Variants in ZFHX3 observed in about 807,000 individuals in gnomAD.
ZFHX3 encodes the protein zinc finger homeobox protein 3.
Under a neutral mutation model 279.1 loss-of-function variants are expected in ZFHX3, and 42 were observed. The ratio of observed to expected loss-of-function variants is 0.15; its 90% confidence interval spans 0.12 to 0.19. The LOEUF (loss-of-function observed/expected upper bound fraction) is 0.19, where lower values mean the gene tolerates loss of function less well. ZFHX3 is among the 10% of genes least tolerant of loss of function. The pLI is 1.00. For synonymous variants in ZFHX3, 2,293 were observed against 1,957.8 expected (o/e 1.17, Z -4.52); for missense variants, 4,981 against 4,754.0 (o/e 1.05, Z -1.40).
At position 72,788,469 on chromosome 16, in the gene ZFHX3, T is replaced by C. The variant is rs768724931; in HGVS notation, c.9807A>G (p.Ala3269=). Residue 3269 remains alanine, a synonymous_variant, in exon 10 of 10, where the codon GCA becomes GCG. Transcript: ENST00000268489. Reference sequence around the variant, plus strand: ...TGGGCAGCGGGGCTGAGATCGTGGCTGCAGTTGCCGTGGGGGCCTCTCCTT... The same window carrying C: ...TGGGCAGCGGGGCTGAGATCGTGGCCGCAGTTGCCGTGGGGGCCTCTCCTT... ...KEKGEAPTAT[A]ATISAPLPTM... 18 of 1,614,190 alleles carry C rather than the reference T, an allele frequency of 1.1e-5. No individual in the cohort carries two copies. The South Asian group carries it at 2.0e-4, about 18-fold the overall frequency.
chr16:72,919,499 G>A (rs536479130), intron 3 of ZFHX3, among the ~76,000 whole-genome samples: 4 of 152,082 alleles, frequency 2.6e-5, no homozygotes, highest in African/African-American at 4.8e-5. Flanking sequence ...TGATTCTGAC[G>A]CACAGCTAGG....
At chr16:73,519,524 G>C (rs1209447250) in intron 2 of ZFHX3, among the ~76,000 whole-genome samples, 1 of 151,950 alleles carries the variant, frequency 6.6e-6, no homozygotes, top group Admixed American at 6.6e-5. Flanking sequence ...ATGTACCTTT[G>C]AGCTTTGTAC....
At chr16:73,528,704 C>T (rs371359519) in intron 2 of ZFHX3, among the ~76,000 whole-genome samples, 13 of 152,300 alleles carry the variant, frequency 8.5e-5, no homozygotes, top group African/African-American at 2.2e-4. Flanking sequence ...GAAGTAGTGA[C>T]GATGTGTTGG....
intron 5 of ZFHX3, among the ~76,000 whole-genome samples, chr16:73,194,152 ACCCC>A (rs1968096753): frequency 1.3e-5 from 2 of 151,952 alleles, no homozygotes; most frequent in Non-Finnish European, 2.9e-5. Context: ...GGGTTCATAG[ACCCC>A]GGTTTAGGAA....
At chr16:73,818,060 G>C (rs761307703) in intron 1 of ZFHX3, among the ~76,000 whole-genome samples, 1 of 152,158 alleles carries the variant, frequency 6.6e-6, no homozygotes, top group East Asian at 1.9e-4. Flanking sequence ...AGAGAGGCCA[G>C]GGTAAATTTA....
At chr16:72,809,213 T>G (rs1223935666) in intron 7 of ZFHX3, 1 of 152,260 alleles carries the variant, frequency 6.6e-6, no homozygotes, top group Non-Finnish European at 1.5e-5. Flanking sequence ...AAACCAGTCA[T>G]GTAGATTACT....
At chr16:73,318,240 C>G (rs2015498667) in exon 4 of ZFHX3, 1 of 152,096 alleles carries the variant, frequency 6.6e-6, no homozygotes. Context: ...AGAGCCCTAC[C>G]TGCTGAAATG....
chr16:73,517,279 C>G (rs961009504), intron 2 of ZFHX3, among the ~76,000 whole-genome samples: 5 of 152,190 alleles, frequency 3.3e-5, no homozygotes, highest in African/African-American at 7.2e-5. Context: ...ATTTTTCTAC[C>G]TCTATGGCTC....
At chr16:73,696,131 C>T (rs1245793741) in intron 1 of ZFHX3, among the ~76,000 whole-genome samples, 2 of 152,166 alleles carry the variant, frequency 1.3e-5, no homozygotes, top group African/African-American at 4.8e-5. Flanking sequence ...ACTAAACCTT[C>T]ATTTGTCATT....
intron 3 of ZFHX3, among the ~76,000 whole-genome samples, chr16:73,410,948 T>A (rs1224529497): frequency 6.6e-6 from 1 of 152,134 alleles, no homozygotes; most frequent in African/African-American, 2.4e-5. Flanking sequence ...CACCGAATAA[T>A]CAAAATGCCA....
At chr16:73,468,093 C>CAA (rs1282606708) in intron 2 of ZFHX3, among the ~76,000 whole-genome samples, 1 of 152,190 alleles carries the variant, frequency 6.6e-6, no homozygotes. Context: ...CAGACAGTCC[C>CAA]AAACAACTGA....
intron 5 of ZFHX3, among the ~76,000 whole-genome samples, chr16:73,222,332 C>G (rs1013898834): frequency 3.3e-5 from 5 of 151,902 alleles, no homozygotes; most frequent in Non-Finnish European, 7.4e-5. Context: ...AAAAAATCAA[C>G]AAAAAGCCCT....
rs1345390785 is a variant in ZFHX3, at chr16:72,796,874, A to G, written c.5808T>C (p.Ile1936=). 1 of 1,613,546 alleles carries G rather than the reference A, an allele frequency of 6.2e-7. No individual in the cohort carries two copies. The highest frequency in any genetic ancestry group is 8.5e-7 in the Non-Finnish European group (1 of 1,179,908). Residue 1936 remains isoleucine (I), a synonymous_variant, in exon 9 of 10, where the codon ATT becomes ATC. Coordinates refer to ENST00000268489, the MANE Select transcript of ZFHX3 (RefSeq NM_006885.4). ...TGGCGTTCCCTCTGGCATCTGAAGC[A>G]ATGCGTGGAGGGAGCATGGAAGGCT... ...GSEPSMLPPR[I]ASDARGNATK...
intron 3 of ZFHX3, among the ~76,000 whole-genome samples, chr16:72,947,469 G>A (rs1960742275): frequency 6.6e-6 from 1 of 152,208 alleles, no homozygotes; most frequent in Non-Finnish European, 1.5e-5. Flanking sequence ...CCGGCCCAGG[G>A]TGAGGTCAGA....
At chr16:72,807,292 T>A (rs1312768572) in intron 7 of ZFHX3, 1 of 152,224 alleles carries the variant, frequency 6.6e-6, no homozygotes, top group East Asian at 1.9e-4. Flanking sequence ...GATTTCCTTC[T>A]TTGATATGAC....
chr16:73,775,869 G>A (rs925177963), intron 1 of ZFHX3, among the ~76,000 whole-genome samples: 6 of 152,162 alleles, frequency 3.9e-5, no homozygotes, highest in African/African-American at 1.2e-4. Flanking sequence ...CAATTCTGGA[G>A]AGGTTGAAAA....
Position 72,794,446 on chromosome 16 carries a change from T to G in ZFHX3, c.8236A>C (p.Thr2746Pro). 6.2e-7 allele frequency: 1 copy of G among 1,613,760 alleles called. No individual in the cohort carries two copies. Among genetic ancestry groups the G allele is most frequent in the Non-Finnish European group, 8.5e-7 (1 of 1,179,932 alleles). The change falls in exon 9 of 10, where the codon ACT (threonine) becomes CCT (proline). Residue 2746 changes from threonine (T) to proline (P), a missense_variant. Coordinates refer to ENST00000268489, the MANE Select transcript of ZFHX3 (RefSeq NM_006885.4). This position sits in a 1 kb window ranked among gnomAD's most constrained non-coding sequence, Gnocchi z 4.2. ...HEAKRAGYNL[T>P]LSAMLLDCDG... is the part of the protein sequence containing the mutation. Reference sequence around the variant, plus strand: ...CAGTCTAAGAGCATCGCAGACAGAGTTAGGTTGTAGCCAGCTCTCTTGGCT... The same window carrying G: ...CAGTCTAAGAGCATCGCAGACAGAGGTAGGTTGTAGCCAGCTCTCTTGGCT...
At chr16:73,317,652 C>A (rs148635377) in intron 4 of ZFHX3, among the ~76,000 whole-genome samples, 1 of 152,128 alleles carries the variant, frequency 6.6e-6, no homozygotes, top group Middle Eastern at 3.2e-3. Context: ...TGGGGGCCAG[C>A]AGTACCTCGT....
chr16:72,908,025 T>A (rs1184952906), intron 3 of ZFHX3, among the ~76,000 whole-genome samples: 1 of 152,058 alleles, frequency 6.6e-6, no homozygotes, highest in Non-Finnish European at 1.5e-5. Flanking sequence ...GCATCTCACC[T>A]CCCGCCCTTT....
Sources: gnomAD v4.1 joint callset for allele counts (sites outside exome capture counted in the v4.1 genomes callset) on GRCh38, gnomAD v4.1.1 for gene constraint, Gnocchi (gnomAD v3.1) non-coding constraint, MANE v1.5 for transcripts, NCBI Gene and HGNC (gene_info 2026-07-23, HGNC 2026-07-21) for gene names.